Variants in HOPX observed in about 807,000 individuals in gnomAD.
HOPX encodes HOP homeobox.
In HOPX, 5 loss-of-function variants were observed where a neutral mutation model predicts 11.8. The observed-to-expected ratio is 0.43, with a 90% CI of 0.22 to 0.89. The LOEUF (loss-of-function observed/expected upper bound fraction) is 0.89. Among genes scored for constraint, HOPX ranks in the 40% least tolerant of loss-of-function variants. HOPX has a pLI of 0.28. For synonymous variants in HOPX, 49 were observed against 49.7 expected (o/e 0.99, Z 0.06); for missense variants, 119 against 120.0 (o/e 0.99, Z 0.04).
At chr4:56,661,903 C>A (rs183632679) in intron 1 of HOPX, among the ~76,000 whole-genome samples, 1 of 152,024 alleles carries the variant, frequency 6.6e-6, no homozygotes, top group South Asian at 2.1e-4. Context: ...TTACTAAGAC[C>A]CTTTGTCTGT....
chr4:56,670,730 C>T (rs1475561896), intron 1 of HOPX, among the ~76,000 whole-genome samples: 1 of 152,166 alleles, frequency 6.6e-6, no homozygotes, highest in Non-Finnish European at 1.5e-5. Flanking sequence ...GGCGTAGTGG[C>T]TCACGCCTGT....
chr4:56,668,144 C>T (rs1012407518), intron 1 of HOPX, among the ~76,000 whole-genome samples: 5 of 152,152 alleles, frequency 3.3e-5, no homozygotes, highest in African/African-American at 9.6e-5. Context: ...AGACTGGTCT[C>T]GAACTCCTGA....
Position 56,648,249 on chromosome 4 carries a change from C to T in HOPX, c.*471G>A, listed in dbSNP as rs961622062. On this transcript the variant is annotated 3_prime_UTR_variant, in exon 4 of 4. Coordinates refer to ENST00000420433, the MANE Select transcript of HOPX (RefSeq NM_032495.6). ...ATGAAATCTGAATACTCAAACACCC[C>T]TTCTGTATTTTCACTCAACCATCAT... is the stretch of plus-strand genomic sequence containing the variant. 2.0e-5 allele frequency: 3 copies of T among 152,666 alleles called. No homozygotes were observed. Among genetic ancestry groups the T allele is most frequent in the African/African-American group, 7.2e-5 (3 of 41,442 alleles). The allele number at this position is 152,666 out of a possible 1,614,324, so 9.5% of individuals were successfully genotyped here. A position where few individuals can be genotyped will look rare whatever the true frequency, so the allele number is the denominator to read the frequency against.
intron 1 of HOPX, among the ~76,000 whole-genome samples, chr4:56,661,469 A>AG (rs1296736775): frequency 1.3e-5 from 2 of 152,174 alleles, no homozygotes; most frequent in African/African-American, 4.8e-5. Context: ...GGTATACAGT[A>AG]GGGGTAGAAC....
chr4:56,671,590 G>A (rs1431745916), intron 1 of HOPX, among the ~76,000 whole-genome samples: 2 of 151,986 alleles, frequency 1.3e-5, no homozygotes, highest in Non-Finnish European at 2.9e-5. Context: ...CAGTGATATG[G>A]ACCTGATTTT....
At chr4:56,671,033 A>C (rs4865140) in intron 1 of HOPX, among the ~76,000 whole-genome samples, 31,136 of 151,878 alleles carry the variant, frequency 0.21, 4,149 homozygotes, top group African/African-American at 0.38. Context: ...AATCAAGTAG[A>C]TAAAATTGTC....
At chr4:56,651,890 G>T (rs1279427361) in intron 3 of HOPX, among the ~76,000 whole-genome samples, 5 of 150,098 alleles carry the variant, frequency 3.3e-5, no homozygotes, top group East Asian at 3.9e-4. Context: ...GTGTGTGTGT[G>T]TGTGTGTGTG....
intron 1 of HOPX, chr4:56,676,632 TG>T (rs1439476072): frequency 6.6e-6 from 1 of 151,520 alleles, no homozygotes; most frequent in Non-Finnish European, 1.5e-5. Flanking sequence ...AAACTGGTGT[TG>T]ACTGCTGCCC....
At chr4:56,654,391 G>A (rs1236742063) in intron 3 of HOPX, among the ~76,000 whole-genome samples, 3 of 152,332 alleles carry the variant, frequency 2.0e-5, no homozygotes, top group Admixed American at 1.3e-4. Flanking sequence ...TGTTGGTGCT[G>A]TGCCCACAAT....
chr4:56,652,520 A>C (rs537344574), intron 3 of HOPX, among the ~76,000 whole-genome samples: 3 of 152,104 alleles, frequency 2.0e-5, no homozygotes, highest in Admixed American at 6.6e-5. Context: ...GAACAGAGAT[A>C]GGGGAGGCTG....
intron 2 of HOPX, 179 bp from the exon 3 acceptor site, chr4:56,656,191 C>A (rs999217311): frequency 1.2e-5 from 13 of 1,117,216 alleles, no homozygotes; most frequent in Admixed American, 4.5e-5. Flanking sequence ...GGCTGCCCCC[C>A]ACCCGGGCCT....
At chr4:56,650,426 C>A (rs1188881133) in intron 3 of HOPX, 11 of 421,308 alleles carry the variant, frequency 2.6e-5, no homozygotes, top group Non-Finnish European at 3.9e-5. Context: ...ACAGGATGGG[C>A]TCTAGGAAGC....
At chr4:56,656,897 G>A (rs1717785981) in intron 2 of HOPX, among the ~76,000 whole-genome samples, 1 of 152,172 alleles carries the variant, frequency 6.6e-6, no homozygotes, top group African/African-American at 2.4e-5. Flanking sequence ...CCCGAGGGGA[G>A]GACTTGCAAG....
intron 1 of HOPX, among the ~76,000 whole-genome samples, chr4:56,671,386 A>G (rs1217873699): frequency 6.6e-6 from 1 of 152,094 alleles, no homozygotes; most frequent in African/African-American, 2.4e-5. Context: ...AAGTCCAGAA[A>G]AGAGTCTTTG....
chr4:56,667,994 G>A (rs369291924), intron 1 of HOPX, among the ~76,000 whole-genome samples: 6 of 152,050 alleles, frequency 3.9e-5, no homozygotes, highest in African/African-American at 1.2e-4. Context: ...GTGCGATCTC[G>A]GCTCACTGCA....
intron 1 of HOPX, chr4:56,680,984 C>T: frequency 1.0e-6 from 1 of 979,430 alleles, no homozygotes; most frequent in Non-Finnish European, 1.2e-6. Flanking sequence ...GTAAGAAAAA[C>T]ATCTCACCTG....
chr4:56,681,055 T>G, intron 1 of HOPX, 200 bp downstream of exon 1: 1 of 985,234 alleles, frequency 1.0e-6, no homozygotes, highest in Non-Finnish European at 1.2e-6. Flanking sequence ...CCCATGCAGT[T>G]TTGTTTGTAA....
chr4:56,652,279 GC>G (rs1305283152), intron 3 of HOPX, among the ~76,000 whole-genome samples: 1 of 152,152 alleles, frequency 6.6e-6, no homozygotes, highest in Non-Finnish European at 1.5e-5. Context: ...GCTTGTCCCT[GC>G]CCCAAGTATC....
At chr4:56,670,035 T>C (rs1314213980) in intron 1 of HOPX, among the ~76,000 whole-genome samples, 1 of 152,212 alleles carries the variant, frequency 6.6e-6, no homozygotes, top group Non-Finnish European at 1.5e-5. Flanking sequence ...AACTTGAATA[T>C]GTAGGATAGG....
Sources: allele counts gnomAD v4.1 joint callset (sites outside exome capture counted in the v4.1 genomes callset), GRCh38; gene constraint gnomAD v4.1.1; transcripts MANE v1.5; gene names NCBI Gene and HGNC (gene_info 2026-07-23, HGNC 2026-07-21).